The following CNBD1 variants were observed in gnomAD, a reference collection of about 807,000 sequenced individuals.
CNBD1 encodes the protein cyclic nucleotide-binding domain-containing protein 1.
A neutral mutation model predicts 54.4 loss-of-function variants in CNBD1; 71 were observed. That is an observed-to-expected ratio of 1.30 (90% CI 1.08 to 1.59). The LOEUF (loss-of-function observed/expected upper bound fraction) is 1.59. CNBD1 is among the 40% of genes most tolerant of loss of function. The probability of loss-of-function intolerance (pLI) is 0.00; values close to 1 mark genes in which losing one functional copy is unlikely to be tolerated. For synonymous variants in CNBD1, 182 were observed against 170.7 expected (o/e 1.07, Z -0.51); for missense variants, 659 against 518.0 (o/e 1.27, Z -2.64).
chr8:87,385,947 G>T (rs757328255), downstream of CNBD1, among the ~76,000 whole-genome samples: 14 of 152,116 alleles, frequency 9.2e-5, no homozygotes, highest in Non-Finnish European at 1.9e-4. Flanking sequence ...GGCAGCAACA[G>T]TTGCTGTTCA....
chr8:87,366,943 G>A (rs1388990705), intron 10 of CNBD1, among the ~76,000 whole-genome samples: 2 of 151,958 alleles, frequency 1.3e-5, no homozygotes, highest in Non-Finnish European at 2.9e-5. Context: ...AAGAGTTTTG[G>A]ATATCCCTTA....
At position 86,978,534 on chromosome 8, in the gene CNBD1, C is replaced by CTTTTTTTTT. The variant is rs71277907; in HGVS notation, c.431+38797_431+38805dup. Among the ~76,000 whole-genome samples the CTTTTTTTTT allele has an allele frequency of 2.7e-4, 18 of 66,698 alleles. 2 individuals are homozygous for CTTTTTTTTT. The highest frequency in any genetic ancestry group is 2.6e-4 in the Non-Finnish European group (10 of 37,984). 43.8% of individuals were successfully genotyped at this position (66,698 alleles called of 152,430 possible). A position where few individuals can be genotyped will look rare whatever the true frequency, so the allele number is the denominator to read the frequency against. The stretch of plus-strand genomic sequence containing the variant: ...ACATTTGTAAAGGACATGCTTTTAT[C>CTTTTTTTTT]TTTTTTTTTTTTTTTTTTTTTTTTT... On this transcript the variant is annotated intron_variant, in intron 4 of 10. Coordinates refer to ENST00000518476, the MANE Select transcript of CNBD1 (RefSeq NM_173538.3).
downstream of CNBD1, among the ~76,000 whole-genome samples, chr8:87,385,331 C>T (rs1403273409): frequency 6.6e-6 from 1 of 151,876 alleles, no homozygotes; most frequent in Admixed American, 6.5e-5. Flanking sequence ...CATCGCCTCA[C>T]CCGGGAAGGG....
intron 3 of CNBD1, among the ~76,000 whole-genome samples, chr8:86,938,902 T>C (rs1391812862): frequency 1.3e-5 from 2 of 152,270 alleles, no homozygotes; most frequent in Admixed American, 6.5e-5. Context: ...TATTTAATTT[T>C]AATCTTCCTA....
chr8:87,117,448 C>T (rs1811798587), intron 4 of CNBD1, among the ~76,000 whole-genome samples: 1 of 147,020 alleles, frequency 6.8e-6, no homozygotes, highest in Non-Finnish European at 1.5e-5. Context: ...GGATAATGAA[C>T]CTAGGATAGT....
intron 2 of CNBD1, among the ~76,000 whole-genome samples, chr8:87,388,949 T>C (rs1314649057): frequency 6.6e-6 from 1 of 152,072 alleles, no homozygotes; most frequent in Non-Finnish European, 1.5e-5. Context: ...ATTCAACATA[T>C]GCAAATCAAT....
At chr8:87,369,238 T>A (rs1412259459) in intron 10 of CNBD1, among the ~76,000 whole-genome samples, 2 of 152,044 alleles carry the variant, frequency 1.3e-5, no homozygotes, top group Non-Finnish European at 2.9e-5. Flanking sequence ...ATTACATTGA[T>A]ATAGCTAAGA....
At position 87,275,935 on chromosome 8, in the gene CNBD1, A is replaced by G. The variant is rs571035717; in HGVS notation, c.772-8743A>G. Reference sequence around the variant, plus strand: ...GTATTCTTATACACCAATAACAGACAGAGAGCCAAATCATGAGTGAACTCC... The same window carrying G: ...GTATTCTTATACACCAATAACAGACGGAGAGCCAAATCATGAGTGAACTCC... On this transcript the variant is annotated intron_variant, in intron 6 of 10. Coordinates refer to ENST00000518476, the MANE Select transcript of CNBD1 (RefSeq NM_173538.3). Among the ~76,000 whole-genome samples, 19 of 152,140 alleles carry G rather than the reference A, an allele frequency of 1.2e-4. No homozygotes were observed. In the South Asian group the frequency reaches 3.9e-3, roughly 32 times the overall value.
intron 4 of CNBD1, among the ~76,000 whole-genome samples, chr8:87,149,152 G>A (rs181546125): frequency 3.3e-5 from 5 of 152,220 alleles, no homozygotes; most frequent in Admixed American, 2.6e-4. Flanking sequence ...GGTAGGATAT[G>A]TTATTTCTTT....
At chr8:87,112,102 A>G (rs551970697) in intron 4 of CNBD1, among the ~76,000 whole-genome samples, 1 of 152,160 alleles carries the variant, frequency 6.6e-6, no homozygotes, top group African/African-American at 2.4e-5. Flanking sequence ...AGTCTCCTAT[A>G]ATGGGTTGAC....
In CNBD1 at chr8:86,951,581, C is replaced by CAAAAAAAAAAAAAAAAAAAAAAAAAAAA. The variant is rs71275901; in HGVS notation, c.431+11838_431+11865dup. On this transcript the variant is annotated intron_variant, in intron 4 of 10. Transcript: ENST00000518476. ...GGTGACAGAGCGAGGCTCCGTCTCA[C>CAAAAAAAAAAAAAAAAAAAAAAAAAAAA]AAAAAAAAAAAAAAAAAAAAAAAAA... is the stretch of plus-strand genomic sequence containing the variant. 1.1e-4 allele frequency among the ~76,000 whole-genome samples: 4 copies of CAAAAAAAAAAAAAAAAAAAAAAAAAAAA among 37,360 alleles called. 1 individual carries two copies. Among genetic ancestry groups the CAAAAAAAAAAAAAAAAAAAAAAAAAAAA allele is most frequent in the Non-Finnish European group, 9.6e-5 (2 of 20,870 alleles). 24.5% of individuals were successfully genotyped at this position (37,360 alleles called of 152,430 possible).
chr8:87,352,322 A>C (rs1476316517), intron 9 of CNBD1, among the ~76,000 whole-genome samples: 1 of 152,066 alleles, frequency 6.6e-6, no homozygotes, highest in African/African-American at 2.4e-5. Flanking sequence ...TTACTAAAAA[A>C]TACAAAAATT....
At chr8:87,336,418 C>A (rs1198844978) in intron 8 of CNBD1, among the ~76,000 whole-genome samples, 2 of 151,626 alleles carry the variant, frequency 1.3e-5, no homozygotes, top group East Asian at 1.9e-4. Context: ...TTCCTCTAAT[C>A]TTGTCTGCCT....
intron 6 of CNBD1, among the ~76,000 whole-genome samples, chr8:87,263,506 G>A (rs569057836): frequency 2.0e-5 from 3 of 152,192 alleles, no homozygotes; most frequent in African/African-American, 7.2e-5. Flanking sequence ...AATACACACA[G>A]TCACAAACAA....
chr8:87,304,770 T>G (rs1317873174), intron 8 of CNBD1, among the ~76,000 whole-genome samples: 1 of 152,056 alleles, frequency 6.6e-6, no homozygotes, highest in Non-Finnish European at 1.5e-5. Flanking sequence ...CTTAATGTAA[T>G]AAAAGCCATG....
At chr8:87,359,637 C>G (rs1342806891) in intron 10 of CNBD1, among the ~76,000 whole-genome samples, 1 of 152,016 alleles carries the variant, frequency 6.6e-6, no homozygotes, top group Non-Finnish European at 1.5e-5. Flanking sequence ...CTATCTCCAT[C>G]TACTTCATTT....
rs1447577074 is a variant in CNBD1 at position 87,302,165 on chromosome 8, G to A, written c.1042+15494G>A. ...AGGCAAGCATCATCCTGATACCAAA[G>A]CCTGGCAGAGACACAACAAAAAAAG... On this transcript the variant is annotated intron_variant, in intron 8 of 10. Transcript: ENST00000518476. Among the ~76,000 whole-genome samples, 7 of 152,264 alleles carry A rather than the reference G, an allele frequency of 4.6e-5. No homozygotes were observed. In the South Asian group the frequency reaches 1.0e-3, roughly 23 times the overall value.
intron 2 of CNBD1, among the ~76,000 whole-genome samples, chr8:86,903,471 A>C (rs1448279164): frequency 6.6e-6 from 1 of 152,108 alleles, no homozygotes; most frequent in Non-Finnish European, 1.5e-5. Flanking sequence ...AATGGGTAGG[A>C]GTATCTAGTT....
At chr8:86,925,262 C>T (rs1213353657) in intron 3 of CNBD1, among the ~76,000 whole-genome samples, 1 of 152,102 alleles carries the variant, frequency 6.6e-6, no homozygotes, top group Non-Finnish European at 1.5e-5. Context: ...TTATTTCCCT[C>T]GTTTGGTACT....
Sources: allele counts gnomAD v4.1 joint callset (sites outside exome capture counted in the v4.1 genomes callset), GRCh38; gene constraint gnomAD v4.1.1; transcripts MANE v1.5; gene names NCBI Gene and HGNC (gene_info 2026-07-23, HGNC 2026-07-21).